PARD3B: variants seen among roughly 807,000 people sequenced by gnomAD.
PARD3B encodes partitioning defective 3 homolog B.
PARD3B carries 103 observed loss-of-function variants against 130.2 expected under a neutral mutation model. The observed-to-expected ratio is 0.79, with a 90% CI of 0.67 to 0.93. The LOEUF is 0.93. PARD3B is among the 40% of genes least tolerant of loss of function. The pLI is 0.00. For synonymous variants in PARD3B, 583 were observed against 553.2 expected, an observed-to-expected ratio of 1.05 and a Z score of -0.76; for missense variants, 1,609 against 1,499.2, an observed-to-expected ratio of 1.07 and a Z score of -1.21.
At chr2:204,882,470 A>G (rs985193268) in intron 2 of PARD3B, among the ~76,000 whole-genome samples, 15 of 152,136 alleles carry the variant, frequency 9.9e-5, no homozygotes, top group African/African-American at 3.4e-4. Flanking sequence ...CTTTTATGGC[A>G]AGTGTCTGAC....
intron 11 of PARD3B, among the ~76,000 whole-genome samples, chr2:205,163,649 G>A (rs901666577): frequency 7.9e-5 from 12 of 152,074 alleles, no homozygotes; most frequent in Admixed American, 4.6e-4. Flanking sequence ...GAAACATGGC[G>A]CTTGATCCTG....
At chr2:204,857,293 T>C (rs1204010302) in intron 2 of PARD3B, among the ~76,000 whole-genome samples, 2 of 152,168 alleles carry the variant, frequency 1.3e-5, no homozygotes, top group Admixed American at 6.6e-5. Context: ...AGCCTTCATC[T>C]AAAAGTAACT....
At chr2:205,177,912 C>G (rs557945462) in intron 13 of PARD3B, among the ~76,000 whole-genome samples, 1 of 152,140 alleles carries the variant, frequency 6.6e-6, no homozygotes, top group South Asian at 2.1e-4. Context: ...ATTCCTGTCT[C>G]CCTGTCCTCA....
intron 21 of PARD3B, among the ~76,000 whole-genome samples, chr2:205,528,918 GCCTATAGGGTGAGTA>G (rs2051457980): frequency 1.3e-5 from 2 of 152,116 alleles, no homozygotes; most frequent in East Asian, 3.8e-4. Context: ...TGGCAATTAT[GCCTATAGGGTGAGTA>G]CCTCATTTAA....
chr2:204,804,275 T>C (rs1471290314), intron 2 of PARD3B, among the ~76,000 whole-genome samples: 1 of 151,874 alleles, frequency 6.6e-6, no homozygotes, highest in Non-Finnish European at 1.5e-5. Context: ...CCTATAAAGA[T>C]ACACATAGAC....
intron 19 of PARD3B, among the ~76,000 whole-genome samples, chr2:205,422,698 AAAC>A (rs1178298138): frequency 5.3e-5 from 8 of 152,202 alleles, no homozygotes; most frequent in African/African-American, 1.9e-4. Flanking sequence ...ATAGGAGATA[AAAC>A]AAGTCTCTTT....
At chr2:205,143,626 T>C (rs1380206169) in intron 10 of PARD3B, among the ~76,000 whole-genome samples, 1 of 152,142 alleles carries the variant, frequency 6.6e-6, no homozygotes, top group Non-Finnish European at 1.5e-5. Flanking sequence ...ACTTGGAAGA[T>C]GAATACTGAG....
chr2:205,534,457 T>C (rs955318891), intron 21 of PARD3B, among the ~76,000 whole-genome samples: 1 of 149,798 alleles, frequency 6.7e-6, no homozygotes, highest in African/African-American at 2.4e-5. Flanking sequence ...TGGAGTCTTA[T>C]GGAGTCCACT....
intron 3 of PARD3B, among the ~76,000 whole-genome samples, chr2:204,993,489 TA>T (rs1204738543): frequency 1.2e-5 from 1 of 80,300 alleles, no homozygotes; most frequent in African/African-American, 4.3e-5. Context: ...GCCAGTATTT[TA>T]TTGAGGATTT....
intron 21 of PARD3B, among the ~76,000 whole-genome samples, chr2:205,531,852 G>C (rs1444151502): frequency 6.6e-6 from 1 of 152,196 alleles, no homozygotes; most frequent in Non-Finnish European, 1.5e-5. Flanking sequence ...GCTGCTAACA[G>C]ATCATCAGGA....
At chr2:205,438,928 T>TGGTCTC (rs2047614991) in intron 19 of PARD3B, among the ~76,000 whole-genome samples, 1 of 152,230 alleles carries the variant, frequency 6.6e-6, no homozygotes. Context: ...GTTTTGGTTT[T>TGGTCTC]GGTCTCATGC....
At position 204,874,011 on chromosome 2, in the gene PARD3B, C is replaced by T. The variant is rs545763002; in HGVS notation, c.223-91141C>T. 1.4e-4 allele frequency among the ~76,000 whole-genome samples: 22 copies of T among 152,038 alleles called. 1 individual carries two copies. The highest frequency in any genetic ancestry group is 1.9e-4 in the African/African-American group (8 of 41,492). On this transcript the variant is annotated intron_variant, in intron 2 of 22. Transcript: ENST00000406610. The stretch of plus-strand genomic sequence containing the variant: ...TACAAAAATAAGCTGGGCATGGTGG[C>T]GGGTACCTGTAATCCCAGCTACTTG...
chr2:204,608,310 G>C (rs1574541570), intron 1 of PARD3B, among the ~76,000 whole-genome samples: 1 of 152,124 alleles, frequency 6.6e-6, no homozygotes, highest in South Asian at 2.1e-4. Context: ...CTCTCCACTA[G>C]CTGTTACATG....
intron 20 of PARD3B, among the ~76,000 whole-genome samples, chr2:205,452,863 TCCTCAACCA>T (rs2048151450): frequency 6.6e-6 from 1 of 152,110 alleles, no homozygotes; most frequent in Admixed American, 6.5e-5. Flanking sequence ...CTTCCCCCCA[TCCTCAACCA>T]CTGGGGGTAA....
At chr2:205,284,027 A>C (rs1320403549) in intron 16 of PARD3B, among the ~76,000 whole-genome samples, 1 of 152,248 alleles carries the variant, frequency 6.6e-6, no homozygotes, top group African/African-American at 2.4e-5. Context: ...AGGTTATGTC[A>C]GAGGTTAAAC....
chr2:205,614,831 C>G (rs1188156354), intron 22 of PARD3B, among the ~76,000 whole-genome samples: 1 of 152,042 alleles, frequency 6.6e-6, no homozygotes, highest in East Asian at 1.9e-4. Flanking sequence ...CAGCAGCCAA[C>G]CAGAGTTAGA....
intron 2 of PARD3B, among the ~76,000 whole-genome samples, chr2:204,913,329 A>G (rs1246354578): frequency 6.6e-6 from 1 of 152,138 alleles, no homozygotes; most frequent in African/African-American, 2.4e-5. Flanking sequence ...TCCTGGCCCC[A>G]CCAATTAAGT....
intron 10 of PARD3B, among the ~76,000 whole-genome samples, chr2:205,137,481 T>C (rs1477580617): frequency 6.6e-6 from 1 of 152,204 alleles, no homozygotes; most frequent in African/African-American, 2.4e-5. Flanking sequence ...TAAAAACCCA[T>C]CAGATGTGAA....
At chr2:204,659,126 G>A (rs973807880) in intron 1 of PARD3B, among the ~76,000 whole-genome samples, 4 of 152,122 alleles carry the variant, frequency 2.6e-5, no homozygotes, top group African/African-American at 4.8e-5. Context: ...TCTTAGATGT[G>A]TTACTGCTGT....
Sources: allele counts gnomAD v4.1 joint callset (sites outside exome capture counted in the v4.1 genomes callset), GRCh38; gene constraint gnomAD v4.1.1; transcripts MANE v1.5; gene names NCBI Gene and HGNC (gene_info 2026-07-23, HGNC 2026-07-21).